Variants in KAZN observed in about 807,000 individuals in gnomAD.
The protein encoded by KAZN is kazrin, periplakin interacting protein.
In KAZN, 40 loss-of-function variants were observed where a neutral mutation model predicts 87.4. The observed-to-expected ratio is 0.46, with a 90% CI of 0.36 to 0.60. KAZN has a LOEUF of 0.60. KAZN is among the 20% of genes least tolerant of loss of function. The pLI is 0.00. For synonymous variants in KAZN, 466 were observed against 458.3 expected (o/e 1.02, Z -0.22); for missense variants, 898 against 1,073.9 (o/e 0.84, Z 2.29).
chr1:14,026,096 AG>A (rs762429096), intron 1 of KAZN, among the ~76,000 whole-genome samples: 58 of 152,192 alleles, frequency 3.8e-4, no homozygotes, highest in Non-Finnish European at 7.2e-4. Flanking sequence ...ATGAAGGAAA[AG>A]GGCATTTTAA....
chr1:15,111,271 T>TTGTTGTTGTTGTTGTTGTTG (rs55891519), intron 13 of KAZN, among the ~76,000 whole-genome samples: 88 of 147,588 alleles, frequency 6.0e-4, no homozygotes, highest in East Asian at 1.8e-3. Context: ...GTTGTTGTTG[T>TTGTTGTTGTTGTTGTTGTTG]TTGTTGTTGT....
chr1:14,072,142 A>G (rs761298364), intron 1 of KAZN, among the ~76,000 whole-genome samples: 57 of 152,324 alleles, frequency 3.7e-4, no homozygotes, highest in Non-Finnish European at 6.2e-4. Context: ...ACAAATGGTG[A>G]TGATGGATGA....
chr1:14,528,337 CAAAAAAAAAAAAAAA>C (rs33960231), intron 2 of KAZN, among the ~76,000 whole-genome samples: 1 of 49,370 alleles, frequency 2.0e-5, no homozygotes, highest in African/African-American at 8.8e-5. Flanking sequence ...GACTCCATCT[CAAAAAAAAAAAAAAA>C]AAAAAAAAAG....
At chr1:14,452,440 T>C in intron 2 of KAZN, among the ~76,000 whole-genome samples, 1 of 152,188 alleles carries the variant, frequency 6.6e-6, no homozygotes, top group Non-Finnish European at 1.5e-5. Context: ...TTTGCTTTTA[T>C]CCAAGAGAAT....
intron 8 of KAZN, among the ~76,000 whole-genome samples, chr1:15,084,472 G>A (rs1640157452): frequency 6.6e-6 from 1 of 152,218 alleles, no homozygotes; most frequent in African/African-American, 2.4e-5. Context: ...GAAAATAAGG[G>A]AAATCCCCAA....
intron 1 of KAZN, among the ~76,000 whole-genome samples, chr1:14,120,453 A>C (rs1455047479): frequency 6.6e-6 from 1 of 152,078 alleles, no homozygotes; most frequent in Non-Finnish European, 1.5e-5. Context: ...TGAACATGAG[A>C]TTTGGGTGGG....
chr1:15,082,138 C>G (rs1274169865), intron 8 of KAZN, among the ~76,000 whole-genome samples: 1 of 151,948 alleles, frequency 6.6e-6, no homozygotes, highest in East Asian at 1.9e-4. Flanking sequence ...AACTCTGCCT[C>G]AGTGGCAGCC....
Position 14,490,467 on chromosome 1 carries a change from G to GT in KAZN, c.250-108508dup, listed in dbSNP as rs144179790. Among the ~76,000 whole-genome samples, 968 of 151,810 alleles carry GT rather than the reference G, an allele frequency of 6.4e-3. 42 individuals carry two copies. The East Asian group carries it at 0.11, about 17-fold the overall frequency. ...ATGAACAACTCATCTGCATTTGGTTGTTTTTTTTGTTTGTTTTTTTGGTTT... is the reference window on the plus strand; with the variant it reads ...ATGAACAACTCATCTGCATTTGGTTGTTTTTTTTTGTTTGTTTTTTTGGTTT... On this transcript the variant is annotated intron_variant, in intron 2 of 16. Transcript: ENST00000636203.
At chr1:15,103,949 A>C in intron 12 of KAZN, 74 bp from the exon 13 acceptor site, 1 of 1,458,860 alleles carries the variant, frequency 6.9e-7, no homozygotes, top group Non-Finnish European at 9.3e-7. Context: ...ACAGAGCCCC[A>C]CGTGGAACTG....
chr1:14,863,176 T>C (rs3845597), intron 1 of KAZN, among the ~76,000 whole-genome samples: 71,276 of 152,126 alleles, frequency 0.47, 18,492 homozygotes, highest in African/African-American at 0.68. Flanking sequence ...CCTGGAGGGC[T>C]GTGTGCACTG....
chr1:14,896,648 A>T (rs886454235), intron 1 of KAZN, among the ~76,000 whole-genome samples: 3 of 152,144 alleles, frequency 2.0e-5, no homozygotes, highest in East Asian at 3.9e-4. Flanking sequence ...CAGCCTCAAA[A>T]CTCCCAGCAG....
chr1:13,895,954 A>G lies in KAZN; in HGVS notation c.91+2198A>G, dbSNP rs114095716. Among the ~76,000 whole-genome samples, 1,061 of 151,986 alleles carry G rather than the reference A, an allele frequency of 7.0e-3. 5 individuals carry two copies. The highest frequency in any genetic ancestry group is 0.012 in the Non-Finnish European group (812 of 67,964). On this transcript the variant is annotated intron_variant, in intron 1 of 16. Coordinates refer to the KAZN transcript ENST00000636203. Reference sequence around the variant, plus strand: ...TACCATTTCCTGAACAACCCTTCTTATATGTTTTACATAAACTATCTCCTG... The same window carrying G: ...TACCATTTCCTGAACAACCCTTCTTGTATGTTTTACATAAACTATCTCCTG...
intron 1 of KAZN, among the ~76,000 whole-genome samples, chr1:14,083,962 G>A (rs1362615942): frequency 6.6e-6 from 1 of 152,216 alleles, no homozygotes; most frequent in East Asian, 1.9e-4. Context: ...GGTGTGTTCT[G>A]TAGTACAGTT....
chr1:14,008,627 A>G (rs1381904248), intron 1 of KAZN, among the ~76,000 whole-genome samples: 1 of 152,240 alleles, frequency 6.6e-6, no homozygotes, highest in Non-Finnish European at 1.5e-5. Flanking sequence ...ACACACACAT[A>G]AAATCAGATG....
At chr1:13,987,827 T>C (rs1010483049) in intron 1 of KAZN, among the ~76,000 whole-genome samples, 2 of 152,200 alleles carry the variant, frequency 1.3e-5, no homozygotes, top group Non-Finnish European at 2.9e-5. Flanking sequence ...TGTGTTGCTA[T>C]AACAATACCT....
chr1:13,984,122 A>G (rs978121229), intron 1 of KAZN, among the ~76,000 whole-genome samples: 3 of 151,894 alleles, frequency 2.0e-5, no homozygotes, highest in Admixed American at 6.6e-5. Flanking sequence ...GCAATTCTCC[A>G]GCCTCAGCCT....
chr1:14,217,773 A>G (rs1189044466), intron 2 of KAZN, among the ~76,000 whole-genome samples: 1 of 152,134 alleles, frequency 6.6e-6, no homozygotes, highest in African/African-American at 2.4e-5. Flanking sequence ...TTTGAAGAAA[A>G]ACAAAAATTT....
intron 2 of KAZN, among the ~76,000 whole-genome samples, chr1:14,998,108 G>T (rs1218562814): frequency 6.6e-6 from 1 of 152,132 alleles, no homozygotes; most frequent in African/African-American, 2.4e-5. Flanking sequence ...CTCTCCAGTG[G>T]ATGGGAACTG....
intron 1 of KAZN, among the ~76,000 whole-genome samples, chr1:14,601,931 TG>T (rs1479432565): frequency 1.3e-5 from 2 of 152,254 alleles, no homozygotes; most frequent in Non-Finnish European, 2.9e-5. Flanking sequence ...TTAGTACAAA[TG>T]GTTTTGGGAA....
Sources: allele counts gnomAD v4.1 joint callset (sites outside exome capture counted in the v4.1 genomes callset), GRCh38; gene constraint gnomAD v4.1.1; transcripts MANE v1.5; gene names NCBI Gene and HGNC (gene_info 2026-07-23, HGNC 2026-07-21).